The following TKT variants were observed in gnomAD, a reference collection of about 807,000 sequenced individuals.
TKT encodes the protein transketolase.
Under a neutral mutation model 63.9 loss-of-function variants are expected in TKT, and 47 were observed. The observed-to-expected ratio is 0.74, with a 90% CI of 0.58 to 0.94. The LOEUF (loss-of-function observed/expected upper bound fraction) is 0.94. Among genes scored for constraint, TKT ranks in the 40% least tolerant of loss-of-function variants. The pLI is 0.00. For synonymous variants in TKT, 338 were observed against 334.1 expected (o/e 1.01, Z -0.13); for missense variants, 721 against 846.2 (o/e 0.85, Z 1.84).
chr3:53,254,408 T>C (rs1283175274), intron 1 of TKT, among the ~76,000 whole-genome samples: 1 of 152,034 alleles, frequency 6.6e-6, no homozygotes, highest in Non-Finnish European at 1.5e-5. Context: ...TGCAAGGCAG[T>C]GGGTGGGGGA....
chr3:53,230,730 G>T, intron 7 of TKT, 109 bp from the exon 8 acceptor site: 2 of 1,337,692 alleles, frequency 1.5e-6, no homozygotes, highest in Non-Finnish European at 1.0e-6. Context: ...AAAAATGGAA[G>T]CCCTGGAGCA....
intron 1 of TKT, 38 bp downstream of exon 1, chr3:53,255,798 C>A: frequency 7.2e-7 from 1 of 1,385,174 alleles, no homozygotes; most frequent in Admixed American, 3.0e-5. Flanking sequence ...CCCCCCGCCC[C>A]GCCCGAGCCG....
chr3:53,239,437 TA>T (rs1269141289), intron 4 of TKT, among the ~76,000 whole-genome samples: 6 of 152,178 alleles, frequency 3.9e-5, no homozygotes, highest in African/African-American at 7.2e-5. Context: ...GCCTCCTATG[TA>T]GCTGGGACTA....
Position 53,226,852 on chromosome 3 carries a change from G to C in TKT, c.1600C>G (p.Pro534Ala), listed in dbSNP as rs1553675656. Reference sequence around the variant, plus strand: ...CTGTCCAGGGGCTTGATGGTGAAGGGGTCCAGCACGCGGATGTTGATCTTT... The same window carrying C: ...CTGTCCAGGGGCTTGATGGTGAAGGCGTCCAGCACGCGGATGTTGATCTTT... ...KEKINIRVLD[P>A]FTIKPLDRKL... Residue 534 changes from proline (P) to alanine (A), a missense_variant, in exon 13 of 14, where the codon CCC becomes GCC. Physicochemically the swap from Pro to Ala is conservative, Grantham distance 27 (BLOSUM62 -1). Transcript: ENST00000462138. 6.2e-7 allele frequency: 1 copy of C among 1,612,994 alleles called. No individual in the cohort carries two copies. The highest frequency in any genetic ancestry group is 1.1e-5 in the South Asian group (1 of 90,964).
At chr3:53,228,605 T>G (rs1575559432) in intron 10 of TKT, 2 of 535,114 alleles carry the variant, frequency 3.7e-6, no homozygotes, top group Non-Finnish European at 6.7e-6. Flanking sequence ...TGGCTGCAGG[T>G]GGGCTACTCC....
intron 13 of TKT, 48 bp downstream of exon 13, chr3:53,226,708 T>C (rs1559644188): frequency 1.2e-6 from 2 of 1,613,192 alleles, no homozygotes; most frequent in Admixed American, 1.7e-5. Context: ...AACGCTCGGC[T>C]CTCTGGCCCT....
At chr3:53,254,220 C>T (rs1295328212) in intron 1 of TKT, among the ~76,000 whole-genome samples, 9 of 152,182 alleles carry the variant, frequency 5.9e-5, no homozygotes, top group African/African-American at 2.2e-4. Context: ...CCCCCTGAAA[C>T]GGCCAAAGGT....
intron 10 of TKT, chr3:53,228,778 G>T: frequency 1.6e-6 from 1 of 636,672 alleles, no homozygotes; most frequent in South Asian, 1.9e-5. Context: ...GGGCTGCCAG[G>T]ATTCTCAGCA....
chr3:53,235,920 C>T (rs1705006981), intron 4 of TKT, among the ~76,000 whole-genome samples: 1 of 152,272 alleles, frequency 6.6e-6, no homozygotes, highest in Non-Finnish European at 1.5e-5. Flanking sequence ...GGATAAATTA[C>T]CCAGCAAACA....
intron 5 of TKT, 111 bp downstream of exon 5, chr3:53,234,872 A>G (rs1027851392): frequency 2.0e-5 from 22 of 1,127,416 alleles, no homozygotes; most frequent in Non-Finnish European, 2.7e-5. Flanking sequence ...AGGGACCTTT[A>G]GATGGTGCTT....
intron 1 of TKT, among the ~76,000 whole-genome samples, chr3:53,253,310 CTCTCTT>C (rs1231590968): frequency 3.6e-4 from 54 of 152,002 alleles, no homozygotes; most frequent in African/African-American, 1.3e-3. Context: ...TTCTCTCTCT[CTCTCTT>C]TCTTTCTTTT....
chr3:53,229,254 G>C, intron 9 of TKT, 26 bp downstream of exon 9: 1 of 1,613,682 alleles, frequency 6.2e-7, no homozygotes, highest in East Asian at 2.2e-5. Context: ...GGGAGCTCCA[G>C]GTGTAAACAC....
chr3:53,225,914 C>G lies in TKT; in HGVS notation c.1714G>C (p.Val572Leu), dbSNP rs1440271206. ...HYYEGGIGEAVSSAVVGEPGI... is the reference protein window; with the variant it reads ...HYYEGGIGEALSSAVVGEPGI... ...GGCTCGCCCACTACTGCACTGGACA[C>G]AGCCTCACCAATGCCACCTAGAAAT... The change falls in exon 14 of 14, where the codon GTG (valine) becomes CTG (leucine). Residue 572 changes from valine to leucine, a missense_variant. Val to Leu is a conservative substitution (Grantham distance 32). Transcript: ENST00000462138. 3.1e-6 allele frequency: 5 copies of G among 1,610,314 alleles called. No individual in the cohort carries two copies. The Admixed American group carries it at 6.7e-5, about 22-fold the overall frequency.
Position 53,241,217 on chromosome 3 carries a change from A to C in TKT, c.254T>G (p.Val85Gly). 6.2e-7 allele frequency: 1 copy of C among 1,600,476 alleles called. No homozygotes were observed. Among genetic ancestry groups the C allele is most frequent in the Non-Finnish European group, 8.5e-7 (1 of 1,174,884 alleles). Residue 85 changes from valine to glycine, a missense_variant, in exon 3 of 14, where the codon GTC (valine) becomes GGC (glycine). Coordinates refer to ENST00000462138, the MANE Select transcript of TKT (RefSeq NM_001064.4). ...GGCCAGGAAACCAGCTTCAGCCCAG[A>C]CCGCGTAGAGGATGGGAGCTGCATG... ...KGHAAPILYA[V>G]WAEAGFLAEA...
At chr3:53,240,084 T>C (rs1705204457) in intron 4 of TKT, among the ~76,000 whole-genome samples, 167 bp downstream of exon 4, 1 of 152,228 alleles carries the variant, frequency 6.6e-6, no homozygotes, top group Non-Finnish European at 1.5e-5. Context: ...GGGCCGGTCA[T>C]GGCACCAGCC....
intron 5 of TKT, 71 bp from the exon 6 acceptor site, chr3:53,233,345 G>A (rs1266140719): frequency 4.6e-6 from 6 of 1,292,422 alleles, no homozygotes; most frequent in Non-Finnish European, 6.3e-6. Context: ...TCCAGGGAAA[G>A]GTCTGCCTTG....
rs1705682659 is a variant in TKT at position 53,250,088 on chromosome 3, AGAG to A, written c.107+5745_107+5747del. Among the ~76,000 whole-genome samples, 3 of 152,208 alleles carry A rather than the reference AGAG, an allele frequency of 2.0e-5. 1 individual carries two copies. In the South Asian group the frequency reaches 6.2e-4, roughly 32 times the overall value. On this transcript the variant is annotated intron_variant, in intron 1 of 13. Transcript: ENST00000462138. ...TTAAAACACCGACCACCAGCCCTGC[AGAG>A]GAGAGGTCACTCGGGCAGAGAACCA...
rs782818581 is a variant in TKT at position 53,235,094 on chromosome 3, T to C, written c.518A>G (p.Tyr173Cys). ...VWEAMAFASIYKLDNLVAILD... is the reference protein window; with the variant it reads ...VWEAMAFASICKLDNLVAILD... ...AATGGCCACAAGGTTGTCCAGCTTA[T>C]AGATGCTGGCGAAGGCCATGGCCTC... The change falls in exon 5 of 14, where the codon TAT becomes TGT. Residue 173 changes from tyrosine to cysteine, a missense_variant. By Grantham distance (194) the Tyr-to-Cys change is radical. Coordinates refer to ENST00000462138, the MANE Select transcript of TKT (RefSeq NM_001064.4). 3.1e-6 allele frequency: 5 copies of C among 1,613,978 alleles called. No homozygotes were observed. Among genetic ancestry groups the C allele is most frequent in the Non-Finnish European group, 4.2e-6 (5 of 1,180,040 alleles).
At chr3:53,248,788 T>C (rs1187089657) in intron 1 of TKT, among the ~76,000 whole-genome samples, 6 of 152,218 alleles carry the variant, frequency 3.9e-5, no homozygotes, top group East Asian at 1.9e-4. Context: ...GAAAATTAGA[T>C]TAGTGGTTGC....
Sources: gnomAD v4.1 joint callset for allele counts (sites outside exome capture counted in the v4.1 genomes callset) on GRCh38, gnomAD v4.1.1 for gene constraint, MANE v1.5 for transcripts, NCBI Gene and HGNC (gene_info 2026-07-23, HGNC 2026-07-21) for gene names.